Variants in ABI3BP observed in about 807,000 individuals in gnomAD.
ABI3BP encodes ABI family member 3 binding protein, also known as target of Nesh-SH3.
Under a neutral mutation model 268.6 loss-of-function variants are expected in ABI3BP, and 216 were observed. The observed-to-expected ratio is 0.80, with a 90% CI of 0.72 to 0.90. ABI3BP has a LOEUF of 0.90. Among genes scored for constraint, ABI3BP ranks in the 40% least tolerant of loss-of-function variants. ABI3BP has a pLI of 0.00. For synonymous variants in ABI3BP, 730 were observed against 730.0 expected (o/e 1.00, Z 0.00); for missense variants, 2,090 against 2,182.4 (o/e 0.96, Z 0.84).
chr3:100,905,959 G>A (rs1461779294), intron 2 of ABI3BP, among the ~76,000 whole-genome samples: 2 of 151,922 alleles, frequency 1.3e-5, no homozygotes, highest in Admixed American at 6.6e-5. Context: ...TTGAACCAGG[G>A]GACCTGCATT....
chr3:100,922,566 G>A (rs889640307), intron 2 of ABI3BP, among the ~76,000 whole-genome samples: 39 of 152,070 alleles, frequency 2.6e-4, no homozygotes, highest in African/African-American at 6.5e-4. Context: ...TGGCGATGGC[G>A]ATGGCGATGG....
At chr3:100,863,877 C>A in intron 12 of ABI3BP, 125 bp downstream of exon 12, 1 of 742,926 alleles carries the variant, frequency 1.3e-6, no homozygotes, top group Non-Finnish European at 2.2e-6. Context: ...GGATCCTAAA[C>A]TTGAAGACTG....
At position 100,784,333 on chromosome 3, in the gene ABI3BP, C is replaced by G. The variant is rs911270165; in HGVS notation, c.4162+3395G>C. Among the ~76,000 whole-genome samples the G allele has an allele frequency of 3.9e-5, 6 of 152,250 alleles. No individual in the cohort carries two copies. In the East Asian group the frequency reaches 1.2e-3, roughly 29 times the overall value. ...AAATTAAAACCACAATGAGATACCACCTTTCTCCTGCAAGAATGGCCATTA... is the reference window on the plus strand; with the variant it reads ...AAATTAAAACCACAATGAGATACCAGCTTTCTCCTGCAAGAATGGCCATTA... On this transcript the variant is annotated intron_variant, in intron 57 of 67. Coordinates refer to ENST00000471714, the MANE Select transcript of ABI3BP (RefSeq NM_001375547.2).
intron 54 of ABI3BP, 27 bp from the exon 55 acceptor site, chr3:100,792,795 GT>G (rs1560144261): frequency 6.3e-7 from 1 of 1,589,740 alleles, no homozygotes; most frequent in Admixed American, 1.7e-5. Context: ...AAGATTGCTT[GT>G]TTTAAATAAT....
intron 1 of ABI3BP, among the ~76,000 whole-genome samples, chr3:100,965,146 C>A (rs1438674793): frequency 1.3e-5 from 2 of 152,180 alleles, no homozygotes; most frequent in African/African-American, 2.4e-5. Flanking sequence ...CATAAGCCAA[C>A]TCTTTTCAGT....
intron 14 of ABI3BP, among the ~76,000 whole-genome samples, chr3:100,860,721 T>C (rs187134145): frequency 3.0e-4 from 45 of 152,304 alleles, no homozygotes; most frequent in African/African-American, 1.1e-3. Flanking sequence ...TGAATATTCA[T>C]AGAAACCAAA....
At chr3:100,822,546 C>T in intron 38 of ABI3BP, 43 bp downstream of exon 38, 1 of 1,511,802 alleles carries the variant, frequency 6.6e-7, no homozygotes, top group Non-Finnish European at 8.9e-7. Flanking sequence ...ACCCTACTGG[C>T]TTAGGCTGCA....
intron 9 of ABI3BP, among the ~76,000 whole-genome samples, chr3:100,871,325 T>C (rs2099107085): frequency 6.6e-6 from 1 of 152,222 alleles, no homozygotes; most frequent in African/African-American, 2.4e-5. Context: ...ATTGTATATG[T>C]AGTTTTTAAA....
chr3:100,836,867 G>A (rs1460694661), intron 27 of ABI3BP, among the ~76,000 whole-genome samples: 1 of 152,176 alleles, frequency 6.6e-6, no homozygotes, highest in East Asian at 1.9e-4. Flanking sequence ...GATATAGACA[G>A]AGTGACTGTG....
chr3:100,986,463 A>C (rs183764403), intron 1 of ABI3BP, among the ~76,000 whole-genome samples: 2 of 152,158 alleles, frequency 1.3e-5, no homozygotes, highest in Non-Finnish European at 2.9e-5. Flanking sequence ...GAAAAAGATA[A>C]CTAACATACT....
chr3:100,844,340 C>G (rs534237610), intron 20 of ABI3BP: 1 of 985,354 alleles, frequency 1.0e-6, no homozygotes, highest in Non-Finnish European at 1.2e-6. Flanking sequence ...TCCCACTGGA[C>G]GAGGTAGACA....
At chr3:100,922,939 CA>C (rs938523293) in intron 2 of ABI3BP, among the ~76,000 whole-genome samples, 5 of 152,106 alleles carry the variant, frequency 3.3e-5, no homozygotes, top group African/African-American at 1.2e-4. Context: ...TTTAAACAAC[CA>C]AAAAATAACA....
At chr3:100,846,230 C>A in intron 20 of ABI3BP, 142 bp downstream of exon 20, 1 of 616,818 alleles carries the variant, frequency 1.6e-6, no homozygotes, top group Non-Finnish European at 2.8e-6. Context: ...ATGATTAGAT[C>A]ATTTCATTGC....
At chr3:100,763,592 C>T (rs2149621388) in intron 63 of ABI3BP, among the ~76,000 whole-genome samples, 1 of 152,154 alleles carries the variant, frequency 6.6e-6, no homozygotes, top group East Asian at 1.9e-4. Context: ...GAGCAATAAA[C>T]AGGACATATA....
At chr3:100,823,622 A>AC (rs2098291474) in intron 36 of ABI3BP, 108 bp from the exon 37 acceptor site, 1 of 822,582 alleles carries the variant, frequency 1.2e-6, no homozygotes, top group African/African-American at 1.8e-5. Context: ...AGAGAAACAA[A>AC]AAAAAAATTA....
intron 33 of ABI3BP, 136 bp downstream of exon 33, chr3:100,829,445 G>T (rs1022263236): frequency 1.5e-6 from 1 of 674,406 alleles, no homozygotes; most frequent in South Asian, 2.5e-5. Context: ...TGGCTACCAC[G>T]TCATCTCCCC....
At chr3:100,891,253 T>C (rs989150687) in intron 4 of ABI3BP, among the ~76,000 whole-genome samples, 2 of 152,210 alleles carry the variant, frequency 1.3e-5, no homozygotes, top group Admixed American at 1.3e-4. Flanking sequence ...TTTCTTCGTA[T>C]AGTATCACCC....
At chr3:100,958,110 G>A (rs1325385988) in intron 1 of ABI3BP, among the ~76,000 whole-genome samples, 1 of 152,214 alleles carries the variant, frequency 6.6e-6, no homozygotes, top group Non-Finnish European at 1.5e-5. Context: ...TAAAACAAGT[G>A]CAGAGTTGGA....
At chr3:100,879,094 G>A (rs2153343573) in intron 6 of ABI3BP, among the ~76,000 whole-genome samples, 1 of 152,184 alleles carries the variant, frequency 6.6e-6, no homozygotes, top group South Asian at 2.1e-4. Flanking sequence ...ACACTGCTGT[G>A]CGATAGCACT....
Sources: allele counts gnomAD v4.1 joint callset (sites outside exome capture counted in the v4.1 genomes callset), GRCh38; gene constraint gnomAD v4.1.1; transcripts MANE v1.5; gene names NCBI Gene and HGNC (gene_info 2026-07-23, HGNC 2026-07-21).